Variants in KCNH1 observed in about 807,000 individuals in gnomAD.
The protein encoded by KCNH1 is voltage-gated delayed rectifier potassium channel KCNH1.
Under a neutral mutation model 69.2 loss-of-function variants are expected in KCNH1, and 27 were observed. The observed-to-expected ratio is 0.39, with a 90% CI of 0.29 to 0.54. The LOEUF is 0.54. Ranked by LOEUF, KCNH1 falls within the 20% of genes least tolerant of loss-of-function variation. KCNH1 has a pLI of 0.68. For missense variants in KCNH1, 798 were observed against 1,261.6 expected (o/e 0.63, Z 5.57); for synonymous variants, 456 against 487.7 (o/e 0.93, Z 0.86).
chr1:211,009,973 C>T (rs1378661737), intron 6 of KCNH1, among the ~76,000 whole-genome samples: 5 of 152,098 alleles, frequency 3.3e-5, no homozygotes, highest in African/African-American at 4.8e-5. Flanking sequence ...GGGGAGAGTA[C>T]GAGCTGGGTG....
chr1:211,001,940 C>T (rs1246241724), intron 6 of KCNH1, among the ~76,000 whole-genome samples: 1 of 150,936 alleles, frequency 6.6e-6, no homozygotes, highest in African/African-American at 2.4e-5. Flanking sequence ...CATGTTCTCA[C>T]TCATAGGTGG....
At chr1:210,696,392 C>G (rs939835513) in intron 10 of KCNH1, among the ~76,000 whole-genome samples, 13 of 152,072 alleles carry the variant, frequency 8.5e-5, no homozygotes, top group Non-Finnish European at 1.6e-4. Context: ...CCTTTTTGCT[C>G]TTTTAGCCTT....
rs142731879 is a variant in KCNH1, at chr1:211,019,241, A to T, written c.574T>A (p.Ser192Thr). 1 of 1,606,892 alleles carries T rather than the reference A, an allele frequency of 6.2e-7. No homozygotes were observed. Among genetic ancestry groups the T allele is most frequent in the African/African-American group, 1.3e-5 (1 of 74,864 alleles). Residue 192 changes from serine (S) to threonine (T), a missense_variant, in exon 6 of 11, where the codon TCA becomes ACA. Physicochemically the swap from Ser to Thr is moderately conservative, Grantham distance 58. This residue lies in a region of KCNH1 where 266 missense variants were observed against 457.2 expected (regional missense o/e 0.58). Coordinates refer to ENST00000271751, the MANE Select transcript of KCNH1 (RefSeq NM_172362.3). Reference protein sequence around the residue: ...SRLAEVLQLGSDILPQYKQEA... With the variant: ...SRLAEVLQLGTDILPQYKQEA... The stretch of plus-strand genomic sequence containing the variant: ...TGCTTGTACTGGGGAAGGATGTCTG[A>T]GCCCAGCTGTAGGACCTGTACAGAA...
chr1:211,107,614 A>G (rs550830264), intron 1 of KCNH1, among the ~76,000 whole-genome samples: 3 of 152,208 alleles, frequency 2.0e-5, no homozygotes, highest in African/African-American at 7.2e-5. Flanking sequence ...GTTAGGAAAG[A>G]AAGCATACTT....
intron 7 of KCNH1, among the ~76,000 whole-genome samples, chr1:210,875,262 C>T (rs1286662562): frequency 6.6e-6 from 1 of 152,114 alleles, no homozygotes; most frequent in African/African-American, 2.4e-5. Flanking sequence ...ATTTCAAAAG[C>T]TTTCCCATTA....
intron 1 of KCNH1, among the ~76,000 whole-genome samples, chr1:211,119,341 C>T (rs1691645385): frequency 6.6e-6 from 1 of 152,030 alleles, no homozygotes; most frequent in Non-Finnish European, 1.5e-5. Context: ...GCCTGGGTGA[C>T]AGAGGGACAC....
intron 5 of KCNH1, among the ~76,000 whole-genome samples, chr1:211,050,525 C>T (rs1008280181): frequency 1.3e-5 from 2 of 152,184 alleles, no homozygotes; most frequent in Admixed American, 6.5e-5. Context: ...CTTTACACTA[C>T]AGTCCAGGAC....
chr1:210,779,111 T>C (rs988562331), intron 9 of KCNH1, among the ~76,000 whole-genome samples: 1 of 152,190 alleles, frequency 6.6e-6, no homozygotes, highest in Non-Finnish European at 1.5e-5. Flanking sequence ...AATCACAGGT[T>C]TTGACAGAAA....
At chr1:210,869,515 G>GTGTGTGTGTGTGTGTGTGTT (rs1160063308) in intron 7 of KCNH1, among the ~76,000 whole-genome samples, 2 of 145,542 alleles carry the variant, frequency 1.4e-5, no homozygotes, top group East Asian at 3.9e-4. Flanking sequence ...GTGTGTGTGT[G>GTGTGTGTGTGTGTGTGTGTT]TGTGTGTGTG....
chr1:210,703,667 CCTAA>C (rs540904313), intron 10 of KCNH1, among the ~76,000 whole-genome samples: 1 of 152,302 alleles, frequency 6.6e-6, no homozygotes, highest in South Asian at 2.1e-4. Flanking sequence ...ATGCTGCCTT[CCTAA>C]CTAACTCTCC....
At chr1:211,026,395 A>C (rs914572712) in intron 5 of KCNH1, among the ~76,000 whole-genome samples, 1 of 143,456 alleles carries the variant, frequency 7.0e-6, no homozygotes, top group Non-Finnish European at 1.5e-5. Flanking sequence ...AAAAAAAAAA[A>C]CAACCACAAC....
At chr1:210,860,983 G>A (rs1159737818) in intron 7 of KCNH1, 7 of 1,044,622 alleles carry the variant, frequency 6.7e-6, no homozygotes, top group African/African-American at 3.1e-5. Flanking sequence ...AATCATGCAG[G>A]GCTCCATCTT....
chr1:211,128,254 A>T (rs187762846), intron 1 of KCNH1, among the ~76,000 whole-genome samples: 1 of 148,890 alleles, frequency 6.7e-6, no homozygotes. Context: ...GCGCCACTGC[A>T]CTCCAGCGAC....
At chr1:210,906,086 G>T (rs1052646001) in intron 7 of KCNH1, among the ~76,000 whole-genome samples, 5 of 152,204 alleles carry the variant, frequency 3.3e-5, no homozygotes, top group African/African-American at 1.2e-4. Context: ...CATGCCATCA[G>T]GTCTGAACTC....
chr1:210,924,187 C>A (rs1472620032), intron 6 of KCNH1, among the ~76,000 whole-genome samples: 1 of 152,206 alleles, frequency 6.6e-6, no homozygotes, highest in Non-Finnish European at 1.5e-5. Flanking sequence ...AGACTTCTAA[C>A]CTCCAGAACT....
At chr1:210,969,698 T>A (rs1254454391) in intron 6 of KCNH1, among the ~76,000 whole-genome samples, 6 of 152,184 alleles carry the variant, frequency 3.9e-5, no homozygotes, top group African/African-American at 1.4e-4. Context: ...TTTCAAACAA[T>A]CAACTTTTGA....
In KCNH1 at chr1:211,080,666, C is replaced by T. The variant is rs183697448; in HGVS notation, c.558+2114G>A. ...CAGAGGCCTTAGAAGTAACACCACA[C>T]ATCTACAACCATCTGATCTTTGACA... On this transcript the variant is annotated intron_variant, in intron 5 of 10. Coordinates refer to ENST00000271751, the MANE Select transcript of KCNH1 (RefSeq NM_172362.3). Among the ~76,000 whole-genome samples the T allele has an allele frequency of 6.6e-3, 1,006 of 152,280 alleles. 10 individuals are homozygous for T. Among genetic ancestry groups the T allele is most frequent in the Non-Finnish European group, 0.01 (701 of 68,020 alleles).
At chr1:210,829,111 AC>A (rs1172841137) in intron 7 of KCNH1, among the ~76,000 whole-genome samples, 1 of 152,168 alleles carries the variant, frequency 6.6e-6, no homozygotes, top group East Asian at 1.9e-4. Flanking sequence ...GGACTGACAC[AC>A]GGGGCACTCC....
At chr1:210,940,033 C>T (rs1687849015) in intron 6 of KCNH1, among the ~76,000 whole-genome samples, 1 of 152,124 alleles carries the variant, frequency 6.6e-6, no homozygotes, top group Non-Finnish European at 1.5e-5. Context: ...ATAAATATTC[C>T]ATGATGATCC....
Sources: gnomAD v4.1 joint callset for allele counts (sites outside exome capture counted in the v4.1 genomes callset) on GRCh38, gnomAD v4.1.1 for gene constraint, gnomAD v4.1.1 regional missense constraint, MANE v1.5 for transcripts, NCBI Gene and HGNC (gene_info 2026-07-23, HGNC 2026-07-21) for gene names.